Variants in GLS observed in about 807,000 individuals in gnomAD.
The protein encoded by GLS is glutaminase, also known as glutaminase kidney isoform, mitochondrial.
In GLS, 36 loss-of-function variants were observed where a neutral mutation model predicts 86.7. That is an observed-to-expected ratio of 0.42 (90% CI 0.32 to 0.55). The LOEUF (loss-of-function observed/expected upper bound fraction) is 0.55, where lower values mean the gene tolerates loss of function less well. Among genes scored for constraint, GLS ranks in the 20% least tolerant of loss-of-function variants. The probability of loss-of-function intolerance (pLI) is 0.17; values close to 1 mark genes in which losing one functional copy is unlikely to be tolerated. For synonymous variants in GLS, 317 were observed against 305.9 expected, an observed-to-expected ratio of 1.04 and a Z score of -0.38; for missense variants, 528 against 833.4, an observed-to-expected ratio of 0.63 and a Z score of 4.51.
chr2:190,941,181 GTT>G lies in GLS; in HGVS notation c.1650+9546_1650+9547del, dbSNP rs148744409. On this transcript the variant is annotated intron_variant, in intron 14 of 17. Coordinates refer to ENST00000320717, the MANE Select transcript of GLS (RefSeq NM_014905.5). The stretch of plus-strand genomic sequence containing the variant: ...ATGAGACAAGTATGATCCAACTTGT[GTT>G]TGCAATTAAGCAGGGATACAGGTAC... Among the ~76,000 whole-genome samples, 816 of 152,234 alleles carry G rather than the reference GTT, an allele frequency of 5.4e-3. 8 individuals are homozygous for G. Among genetic ancestry groups the G allele is most frequent in the African/African-American group, 0.019 (773 of 41,526 alleles).
chr2:190,886,405 T>C (rs1268826406), intron 1 of GLS, among the ~76,000 whole-genome samples: 1 of 152,202 alleles, frequency 6.6e-6, no homozygotes, highest in Non-Finnish European at 1.5e-5. Flanking sequence ...TTTAGCTGCA[T>C]ATTTCCAGAC....
chr2:190,923,616 A>G (rs1689813500), intron 9 of GLS, among the ~76,000 whole-genome samples: 2 of 152,196 alleles, frequency 1.3e-5, no homozygotes, highest in South Asian at 4.1e-4. Context: ...GTGTATTTTA[A>G]TGGTAGAAGA....
At position 190,930,351 on chromosome 2, in the gene GLS, C is replaced by T. The variant is rs1690069297; in HGVS notation, c.1426-86C>T. ...GAGATTACAGGAGTGAGCCATGGTG[C>T]CCAGCCCCAGTTTCCCTATTGTTGA... is the stretch of plus-strand genomic sequence containing the variant. On this transcript the variant is annotated intron_variant, in intron 12 of 17. Transcript: ENST00000320717. This position sits in a 1 kb window ranked among gnomAD's most constrained non-coding sequence, Gnocchi z 5.0. 2 of 1,013,936 alleles carry T rather than the reference C, an allele frequency of 2.0e-6. No homozygotes were observed. Among genetic ancestry groups the T allele is most frequent in the South Asian group, 2.7e-5 (2 of 74,950 alleles). 62.8% of individuals were successfully genotyped at this position (1,013,936 alleles called of 1,614,324 possible).
chr2:190,885,733 A>G (rs894584576), intron 1 of GLS, among the ~76,000 whole-genome samples: 14 of 152,218 alleles, frequency 9.2e-5, no homozygotes, highest in African/African-American at 3.4e-4. Context: ...GCTAAAATCA[A>G]GGTGGAAAGT....
In GLS at chr2:190,924,613, C is replaced by A. The variant is rs771645513; in HGVS notation, c.1248+20C>A. On this transcript the variant is annotated intron_variant, in intron 11 of 17. Transcript: ENST00000320717. The surrounding 1 kb of genome is among the most constrained non-coding windows in gnomAD (Gnocchi z 5.2). ...TTCCAGGTAATCTAATTATGTAAAT[C>A]GTATATATAAATGGATGTGTCGGCT... The A allele has an allele frequency of 1.5e-6, 2 of 1,318,392 alleles. No homozygotes were observed. The highest frequency in any genetic ancestry group is 1.2e-5 in the South Asian group (1 of 85,022). 81.7% of individuals were successfully genotyped at this position (1,318,392 alleles called of 1,614,324 possible). A position where few individuals can be genotyped will look rare whatever the true frequency, so the allele number is the denominator to read the frequency against.
rs538280432 is a variant in GLS at position 190,909,308 on chromosome 2, A to G, written c.980-955A>G. On this transcript the variant is annotated intron_variant, in intron 6 of 17. Transcript: ENST00000320717. ...CAAAGTAACATACATTACTTCATAT[A>G]TTTATTTGTAATGAGAAGACAAAGT... Among the ~76,000 whole-genome samples, 14 of 152,308 alleles carry G rather than the reference A, an allele frequency of 9.2e-5. No homozygotes were observed. The East Asian group carries it at 1.9e-3, about 21-fold the overall frequency.
intron 17 of GLS, among the ~76,000 whole-genome samples, chr2:190,958,109 C>T (rs1690905940): frequency 6.6e-6 from 1 of 152,120 alleles, no homozygotes; most frequent in Non-Finnish European, 1.5e-5. Flanking sequence ...GCCTCAATTT[C>T]AGAACTTGTT....
At chr2:190,941,573 G>A (rs891292396) in intron 14 of GLS, among the ~76,000 whole-genome samples, 15 of 140,846 alleles carry the variant, frequency 1.1e-4, no homozygotes, top group Non-Finnish European at 4.7e-5. Flanking sequence ...ATAAGAACTT[G>A]TTTTGTCTGG....
chr2:190,903,246 T>TA (rs1330232609), intron 5 of GLS, among the ~76,000 whole-genome samples: 2 of 152,224 alleles, frequency 1.3e-5, no homozygotes, highest in Non-Finnish European at 2.9e-5. Context: ...GTACTTACAG[T>TA]AAAAAATATA....
At chr2:190,886,727 C>A (rs1688391342) in intron 1 of GLS, among the ~76,000 whole-genome samples, 1 of 152,054 alleles carries the variant, frequency 6.6e-6, no homozygotes, top group African/African-American at 2.4e-5. Context: ...ACCAGCCTGG[C>A]CAACATGGTG....
Position 190,953,139 on chromosome 2 carries a change from T to C in GLS, c.1651-426T>C, listed in dbSNP as rs1574621135. 6.6e-6 allele frequency among the ~76,000 whole-genome samples: 1 copy of C among 152,224 alleles called. No individual in the cohort carries two copies. Among genetic ancestry groups the C allele is most frequent in the African/African-American group, 2.4e-5 (1 of 41,458 alleles). ...AGAAGCCAGTGATTGGTGAGGATAG[T>C]GATTCTTGGCAGGGATTAGACATTT... On this transcript the variant is annotated intron_variant, in intron 14 of 17. Transcript: ENST00000320717. The surrounding 1 kb of genome is among the most constrained non-coding windows in gnomAD (Gnocchi z 4.0).
At chr2:190,903,062 C>A (rs1203551593) in intron 5 of GLS, among the ~76,000 whole-genome samples, 4 of 152,094 alleles carry the variant, frequency 2.6e-5, no homozygotes, top group Non-Finnish European at 5.9e-5. Flanking sequence ...AAAATTTGAT[C>A]TTTTATGTTG....
At chr2:190,904,317 T>A (rs956086504) in intron 5 of GLS, among the ~76,000 whole-genome samples, 2 of 152,180 alleles carry the variant, frequency 1.3e-5, no homozygotes, top group Non-Finnish European at 2.9e-5. Context: ...GAATAATTTC[T>A]AAAAGGGCTA....
intron 9 of GLS, among the ~76,000 whole-genome samples, chr2:190,922,663 C>T (rs113499176): frequency 0.015 from 2,228 of 152,190 alleles, 58 homozygotes; most frequent in African/African-American, 0.049. Flanking sequence ...ACTGTGATAA[C>T]TGCTGACTAG....
chr2:190,919,846 G>A (rs1689678478), intron 7 of GLS: 1 of 246,262 alleles, frequency 4.1e-6, no homozygotes, highest in African/African-American at 2.3e-5. Context: ...CCTTAATCTT[G>A]TTGAAGTTTT....
chr2:190,939,694 A>G (rs1690372569), intron 14 of GLS, among the ~76,000 whole-genome samples: 1 of 151,716 alleles, frequency 6.6e-6, no homozygotes, highest in Non-Finnish European at 1.5e-5. Flanking sequence ...ACAAATCATC[A>G]CAAAAGGGCA....
In GLS at chr2:190,953,605, G is replaced by C. The variant is rs1690776428; in HGVS notation, c.1691G>C (p.Gly564Ala). The change falls in exon 15 of 18, where the codon GGA (glycine) becomes GCA (alanine). Residue 564 changes from glycine to alanine, a missense_variant. Transcript: ENST00000320717. The surrounding 1 kb of genome is among the most constrained non-coding windows in gnomAD (Gnocchi z 4.0). ...VINLLFAAYT[G>A]DVSALRRFAL... The stretch of plus-strand genomic sequence containing the variant: ...AATCTTTTGTTTGCTGCATATACTG[G>C]AGATGTGTCTGCACTTCGAAGGTAT... 10 of 1,608,884 alleles carry C rather than the reference G, an allele frequency of 6.2e-6. No individual in the cohort carries two copies. Among genetic ancestry groups the C allele is most frequent in the Non-Finnish European group, 8.5e-6 (10 of 1,175,450 alleles).
At chr2:190,899,129 G>A (rs1039421975) in intron 3 of GLS, among the ~76,000 whole-genome samples, 1 of 152,158 alleles carries the variant, frequency 6.6e-6, no homozygotes, top group African/African-American at 2.4e-5. Flanking sequence ...GTTCTTTGAT[G>A]TACATCTCTT....
Position 190,953,989 on chromosome 2 carries a change from TGTGTGTGA to T in GLS, c.1712+364_1712+371del, listed in dbSNP as rs1211428124. 2.0e-5 allele frequency among the ~76,000 whole-genome samples: 3 copies of T among 148,492 alleles called. No homozygotes were observed. The highest frequency in any genetic ancestry group is 3.0e-5 in the Non-Finnish European group (2 of 67,388). Reference sequence around the variant, plus strand: ...GTGTGTGTGTGTGTGTGTGTGTGTGTGTGTGTGAAGCAGCTGGGGGGTTTGGTGTCTGG... The same window carrying T: ...GTGTGTGTGTGTGTGTGTGTGTGTGTAGCAGCTGGGGGGTTTGGTGTCTGG... On this transcript the variant is annotated intron_variant, in intron 15 of 17. Transcript: ENST00000320717. This position sits in a 1 kb window ranked among gnomAD's most constrained non-coding sequence, Gnocchi z 4.0.
Sources: gnomAD v4.1 joint callset for allele counts (sites outside exome capture counted in the v4.1 genomes callset) on GRCh38, gnomAD v4.1.1 for gene constraint, Gnocchi (gnomAD v3.1) non-coding constraint, MANE v1.5 for transcripts, NCBI Gene and HGNC (gene_info 2026-07-23, HGNC 2026-07-21) for gene names.